ADGRV1: variants seen among roughly 807,000 people sequenced by gnomAD.
The protein encoded by ADGRV1 is adhesion G protein-coupled receptor V1.
In ADGRV1, 359 loss-of-function variants were observed where a neutral mutation model predicts 596.2. That is an observed-to-expected ratio of 0.60 (90% CI 0.55 to 0.66). The LOEUF is 0.66. Among genes scored for constraint, ADGRV1 ranks in the 30% least tolerant of loss-of-function variants. The probability of loss-of-function intolerance (pLI) is 0.00; values close to 1 mark genes in which losing one functional copy is unlikely to be tolerated. For missense variants in ADGRV1, 7,274 were observed against 7,575.6 expected, an observed-to-expected ratio of 0.96 and a Z score of 1.48; for synonymous variants, 2,681 against 2,679.2, an observed-to-expected ratio of 1.00 and a Z score of -0.02.
intron 85 of ADGRV1, among the ~76,000 whole-genome samples, chr5:91,065,130 G>A (rs1787776239): frequency 6.6e-6 from 1 of 152,172 alleles, no homozygotes; most frequent in Admixed American, 6.5e-5. Context: ...GTGATAAATG[G>A]TGAACAATTC....
intron 1 of ADGRV1, among the ~76,000 whole-genome samples, chr5:90,573,632 A>G (rs1260560828): frequency 2.0e-5 from 3 of 152,322 alleles, no homozygotes; most frequent in Middle Eastern, 3.4e-3. Flanking sequence ...CTGAAACATC[A>G]TTATGCAGTC....
At chr5:90,700,849 T>C (rs1747821650) in intron 34 of ADGRV1, among the ~76,000 whole-genome samples, 1 of 152,180 alleles carries the variant, frequency 6.6e-6, no homozygotes, top group South Asian at 2.1e-4. Context: ...GGATAGTATA[T>C]GTATGTCATG....
intron 83 of ADGRV1, among the ~76,000 whole-genome samples, chr5:90,928,918 G>C (rs534728066): frequency 6.9e-6 from 1 of 144,356 alleles, no homozygotes; most frequent in South Asian, 2.3e-4. Flanking sequence ...GCCCCTGCTG[G>C]GGGGTGCCTC....
At chr5:90,775,033 T>C (rs1758079182) in intron 60 of ADGRV1, among the ~76,000 whole-genome samples, 1 of 152,184 alleles carries the variant, frequency 6.6e-6, no homozygotes, top group Non-Finnish European at 1.5e-5. Flanking sequence ...GTTGATATGA[T>C]GATTTGTTTT....
rs763476541 is a variant in ADGRV1, at chr5:90,763,487, A to T, written c.12285+18A>T. 8 of 1,577,068 alleles carry T rather than the reference A, an allele frequency of 5.1e-6. No homozygotes were observed. The highest frequency in any genetic ancestry group is 1.2e-5 in the South Asian group (1 of 85,612). On this transcript the variant is annotated intron_variant, in intron 59 of 89. Coordinates refer to ENST00000405460, the MANE Select transcript of ADGRV1 (RefSeq NM_032119.4). ...TTGATGAGGTATAGTCAGCATTAGC[A>T]CTCCTGTAATTTTTCCCCAATTTGT... is the stretch of plus-strand genomic sequence containing the variant.
At chr5:90,953,723 G>T (rs1443705034) in intron 83 of ADGRV1, among the ~76,000 whole-genome samples, 1 of 151,946 alleles carries the variant, frequency 6.6e-6, no homozygotes, top group South Asian at 2.1e-4. Context: ...TGAAGTAAAA[G>T]TTTGAATTGA....
At chr5:90,618,337 C>G (rs1763628691) in intron 3 of ADGRV1, among the ~76,000 whole-genome samples, 1 of 152,130 alleles carries the variant, frequency 6.6e-6, no homozygotes, top group Non-Finnish European at 1.5e-5. Flanking sequence ...AGTGGGAGGT[C>G]CCTGTGACTT....
At chr5:90,999,561 G>T (rs1781696266) in intron 85 of ADGRV1, among the ~76,000 whole-genome samples, 1 of 151,934 alleles carries the variant, frequency 6.6e-6, no homozygotes, top group South Asian at 2.1e-4. Flanking sequence ...TAAAATTGCG[G>T]GTGGCAGAGT....
rs1746825736 is a variant in ADGRV1 at position 90,693,937 on chromosome 5, T to A, written c.7181T>A (p.Ile2394Asn). ...RLLLFYSTSD[I>N]DVVALAMEEG... ...TTGTTGTTCTACAGTACTTCCGACA[T>A]TGATGTAGTGGCTCTGGCAATGGAG... The change falls in exon 33 of 90, where the codon ATT (isoleucine) becomes AAT (asparagine). Residue 2394 changes from isoleucine to asparagine, a missense_variant. Physicochemically the swap from Ile to Asn is moderately radical, Grantham distance 149. Coordinates refer to ENST00000405460, the MANE Select transcript of ADGRV1 (RefSeq NM_032119.4). 2 of 1,599,182 alleles carry A rather than the reference T, an allele frequency of 1.3e-6. No homozygotes were observed. Among genetic ancestry groups the A allele is most frequent in the Middle Eastern group, 1.7e-4 (1 of 5,976 alleles).
chr5:90,708,203 G>C (rs1748864569), intron 38 of ADGRV1, among the ~76,000 whole-genome samples: 1 of 152,018 alleles, frequency 6.6e-6, no homozygotes, highest in Admixed American at 6.6e-5. Context: ...TTTGGTATCT[G>C]CCTTGTTTTC....
At chr5:91,055,262 A>G (rs1786732446) in intron 85 of ADGRV1, among the ~76,000 whole-genome samples, 1 of 151,906 alleles carries the variant, frequency 6.6e-6, no homozygotes, top group African/African-American at 2.4e-5. Flanking sequence ...ATATATATAT[A>G]TATATATTAA....
At chr5:90,943,957 A>G (rs1014992885) in intron 83 of ADGRV1, among the ~76,000 whole-genome samples, 2 of 152,092 alleles carry the variant, frequency 1.3e-5, no homozygotes, top group Non-Finnish European at 2.9e-5. Context: ...ATTGAGGTGT[A>G]GGGGGGGCAC....
In ADGRV1 at chr5:91,149,831, C is replaced by CAAAAA. The variant is rs59523008; in HGVS notation, c.18433-185_18433-181dup. The stretch of plus-strand genomic sequence containing the variant: ...TCGGTGACAGAATAAAACTCCAGCT[C>CAAAAA]AAAAAAAAAAAAAAAAAAGAGAAAG... On this transcript the variant is annotated intron_variant, in intron 87 of 89. Transcript: ENST00000405460. Among the ~76,000 whole-genome samples, 6,858 of 85,664 alleles carry CAAAAA rather than the reference C, an allele frequency of 0.08. 317 individuals are homozygous for CAAAAA. The highest frequency in any genetic ancestry group is 0.14 in the South Asian group (264 of 1,936). 56.2% of individuals were successfully genotyped at this position (85,664 alleles called of 152,430 possible). A position where few individuals can be genotyped will look rare whatever the true frequency, so the allele number is the denominator to read the frequency against.
At chr5:90,770,446 G>A (rs1287144812) in intron 59 of ADGRV1, among the ~76,000 whole-genome samples, 2 of 152,088 alleles carry the variant, frequency 1.3e-5, no homozygotes, top group African/African-American at 4.8e-5. Context: ...TTAGGTTCAT[G>A]GCGTGGAATG....
At chr5:91,024,556 A>T (rs887671076) in intron 85 of ADGRV1, among the ~76,000 whole-genome samples, 1 of 152,172 alleles carries the variant, frequency 6.6e-6, no homozygotes, top group African/African-American at 2.4e-5. Context: ...AAAATGATTT[A>T]AAAATACAAA....
Position 90,690,916 on chromosome 5 carries a change from A to G in ADGRV1, c.6826A>G (p.Ile2276Val). 6.2e-7 allele frequency: 1 copy of G among 1,613,852 alleles called. No individual in the cohort carries two copies. The highest frequency in any genetic ancestry group is 8.5e-7 in the Non-Finnish European group (1 of 1,179,822). The change falls in exon 31 of 90, where the codon ATT becomes GTT. Residue 2276 changes from isoleucine (I) to valine (V), a missense_variant. By Grantham distance (29) the Ile-to-Val change is conservative. Around this residue, in one of 5 missense-constraint regions of ADGRV1, gnomAD observed 3,643 missense variants for 3,809.2 expected, o/e 0.96. Coordinates refer to ENST00000405460, the MANE Select transcript of ADGRV1 (RefSeq NM_032119.4). The part of the protein sequence containing the change: ...GNVTVQWVAT[I>V]NGQLATGDLR... ...TGTTACTGTTCAGTGGGTTGCCACC[A>G]TTAATGGACAGCTTGCTACTGGCGA... is the stretch of plus-strand genomic sequence containing the variant.
At chr5:90,729,577 T>C (rs915292117) in intron 49 of ADGRV1, 65 bp from the exon 50 acceptor site, 8 of 1,208,080 alleles carry the variant, frequency 6.6e-6, no homozygotes, top group Non-Finnish European at 9.4e-6. Context: ...AGTTTTATTA[T>C]GTAATTTTGT....
chr5:90,955,378 C>G (rs576225611), intron 83 of ADGRV1, among the ~76,000 whole-genome samples: 1 of 152,214 alleles, frequency 6.6e-6, no homozygotes, highest in East Asian at 1.9e-4. Context: ...ATTTTATTGT[C>G]TATACTTCTG....
chr5:90,821,794 C>G (rs1763545636), intron 75 of ADGRV1, among the ~76,000 whole-genome samples: 2 of 151,996 alleles, frequency 1.3e-5, no homozygotes, highest in Non-Finnish European at 2.9e-5. Context: ...CAGCTGCGTG[C>G]TGGGAGAACC....
Sources: gnomAD v4.1 joint callset for allele counts (sites outside exome capture counted in the v4.1 genomes callset) on GRCh38, gnomAD v4.1.1 for gene constraint, gnomAD v4.1.1 regional missense constraint, MANE v1.5 for transcripts, NCBI Gene and HGNC (gene_info 2026-07-23, HGNC 2026-07-21) for gene names.